PCDHGA5: variants seen among roughly 807,000 people sequenced by gnomAD.
The protein encoded by PCDHGA5 is protocadherin gamma subfamily A, 5.
Under a neutral mutation model 56.7 loss-of-function variants are expected in PCDHGA5, and 36 were observed. The observed-to-expected ratio is 0.64, with a 90% confidence interval of 0.49 to 0.84. The LOEUF is 0.84. PCDHGA5 is among the 40% of genes least tolerant of loss of function. The probability of loss-of-function intolerance (pLI) is 0.00; values close to 1 mark genes in which losing one functional copy is unlikely to be tolerated. For missense variants in PCDHGA5, 1,305 were observed against 1,201.5 expected (o/e 1.09, Z -1.27); for synonymous variants, 563 against 520.2 (o/e 1.08, Z -1.12).
chr5:141,489,080 C>CCCA lies in PCDHGA5; in HGVS notation c.2422-5727_2422-5726insCCA. On this transcript the variant is annotated intron_variant, in intron 1 of 3. Coordinates refer to ENST00000518069, the MANE Select transcript of PCDHGA5 (RefSeq NM_018918.3). This position sits in a 1 kb window ranked among gnomAD's most constrained non-coding sequence, Gnocchi z 4.5. ...TCCCCTCCCCCCTGCCCACCCCCGC[C>CCCA]ACTCGGTGACTAAGAACTGCTGCAA... 3.0e-6 allele frequency: 1 copy of CCCA among 336,172 alleles called. No individual in the cohort carries two copies. The highest frequency in any genetic ancestry group is 5.5e-5 in the East Asian group (1 of 18,342). 20.8% of individuals were successfully genotyped at this position (336,172 alleles called of 1,614,324 possible).
intron 1 of PCDHGA5, chr5:141,374,021 CA>C (rs1013436249): frequency 5.0e-6 from 7 of 1,406,050 alleles, no homozygotes; most frequent in Non-Finnish European, 6.5e-6. Context: ...CTGAGAAGAG[CA>C]AAAGTGATGC....
intron 1 of PCDHGA5, chr5:141,410,748 C>T (rs569108587): frequency 8.8e-6 from 11 of 1,245,288 alleles, no homozygotes; most frequent in Admixed American, 5.8e-5. Flanking sequence ...AATATTTTCT[C>T]AATGTTTTTT....
intron 1 of PCDHGA5, chr5:141,410,822 A>C: frequency 2.2e-6 from 1 of 461,410 alleles, no homozygotes; most frequent in Non-Finnish European, 3.6e-6. Context: ...AAATAATGTC[A>C]CCAGACTGAA....
rs1001912556 is a variant in PCDHGA5, at chr5:141,493,404, CTCTGCTGGGATTTTGCT to C, written c.2422-1391_2422-1375del. Among the ~76,000 whole-genome samples, 10 of 152,266 alleles carry C rather than the reference CTCTGCTGGGATTTTGCT, an allele frequency of 6.6e-5. No individual in the cohort carries two copies. Among genetic ancestry groups the C allele is most frequent in the Admixed American group, 6.5e-4 (10 of 15,298 alleles). On this transcript the variant is annotated intron_variant, in intron 1 of 3. Coordinates refer to ENST00000518069, the MANE Select transcript of PCDHGA5 (RefSeq NM_018918.3). The surrounding 1 kb of genome is among the most constrained non-coding windows in gnomAD (Gnocchi z 4.3). ...CTTGAGGACAGGAGAGGGGAGTTGCCTCTGCTGGGATTTTGCTTCTGCTGGGATGGGGCAAGGGTGGG... is the reference window on the plus strand; with the variant it reads ...CTTGAGGACAGGAGAGGGGAGTTGCCTCTGCTGGGATGGGGCAAGGGTGGG...
At chr5:141,451,091 G>A (rs2098706622) in intron 1 of PCDHGA5, among the ~76,000 whole-genome samples, 1 of 151,962 alleles carries the variant, frequency 6.6e-6, no homozygotes, top group South Asian at 2.1e-4. Context: ...ACCTCCCAAA[G>A]TGTTGGGATT....
intron 1 of PCDHGA5, chr5:141,389,969 C>G: frequency 6.2e-7 from 1 of 1,614,042 alleles, no homozygotes; most frequent in Non-Finnish European, 8.5e-7. Context: ...TGGCCTTGGC[C>G]TTGATCTCAG....
chr5:141,416,062 T>G, intron 1 of PCDHGA5: 1 of 176,822 alleles, frequency 5.7e-6, no homozygotes, highest in Non-Finnish European at 1.2e-5. Flanking sequence ...AATCCAAGAA[T>G]ACTCAATGCA....
At chr5:141,404,142 CAGA>C (rs781433913) in intron 1 of PCDHGA5, 21 of 1,612,668 alleles carry the variant, frequency 1.3e-5, no homozygotes, top group Middle Eastern at 1.6e-4. Context: ...TTAGAAAATT[CAGA>C]AGAAGATTAT....
chr5:141,423,506 T>C (rs1242003813), intron 1 of PCDHGA5: 1 of 1,613,808 alleles, frequency 6.2e-7, no homozygotes, highest in African/African-American at 1.3e-5. Context: ...GAGGTCTCTC[T>C]CATTGCGGAC....
Position 141,476,657 on chromosome 5 carries a change from G to A in PCDHGA5, c.2422-18150G>A, listed in dbSNP as rs759887729. On this transcript the variant is annotated intron_variant, in intron 1 of 3. Coordinates refer to ENST00000518069, the MANE Select transcript of PCDHGA5 (RefSeq NM_018918.3). This position sits in a 1 kb window ranked among gnomAD's most constrained non-coding sequence, Gnocchi z 7.6. ...TGAGCTGAGCCGAAATGAATACTTTGCGCTTCGCGTGCAGACGCGGGAGGA... is the reference window on the plus strand; with the variant it reads ...TGAGCTGAGCCGAAATGAATACTTTACGCTTCGCGTGCAGACGCGGGAGGA... 1.9e-6 allele frequency: 3 copies of A among 1,614,140 alleles called. No homozygotes were observed. Among genetic ancestry groups the A allele is most frequent in the Non-Finnish European group, 2.5e-6 (3 of 1,180,060 alleles).
At chr5:141,464,228 G>A (rs1196103285) in intron 1 of PCDHGA5, among the ~76,000 whole-genome samples, 1 of 148,156 alleles carries the variant, frequency 6.7e-6, no homozygotes, top group African/African-American at 2.5e-5. Context: ...TTGCGCCACT[G>A]CACTCCAGCC....
Position 141,384,146 on chromosome 5 carries a change from C to G in PCDHGA5, c.2421+17395C>G, listed in dbSNP as rs369384722. 2.5e-6 allele frequency: 4 copies of G among 1,613,166 alleles called. No homozygotes were observed. The East Asian group carries it at 6.7e-5, about 27-fold the overall frequency. Reference sequence around the variant, plus strand: ...AAAAACTTGGACCGGGAAACACTCTCTTTGTATAACATCACACTGAAAGCC... The same window carrying G: ...AAAAACTTGGACCGGGAAACACTCTGTTTGTATAACATCACACTGAAAGCC... On this transcript the variant is annotated intron_variant, in intron 1 of 3. Transcript: ENST00000518069.
At chr5:141,386,183 A>G (rs201653759) in intron 1 of PCDHGA5, among the ~76,000 whole-genome samples, 1 of 152,230 alleles carries the variant, frequency 6.6e-6, no homozygotes, top group East Asian at 1.9e-4. Context: ...CATCTTATGT[A>G]CACAGATCCT....
chr5:141,478,121 G>T lies in PCDHGA5; in HGVS notation c.2422-16686G>T. On this transcript the variant is annotated intron_variant, in intron 1 of 3. Coordinates refer to ENST00000518069, the MANE Select transcript of PCDHGA5 (RefSeq NM_018918.3). ...TACCCTCACTGTGTCAGTAACCGAG[G>T]ACTCTCCTGAAGCCCGAGCCGAGTT... 2.5e-6 allele frequency: 4 copies of T among 1,614,036 alleles called. No individual in the cohort carries two copies. In the African/African-American group the frequency reaches 4.0e-5, roughly 16 times the overall value.
chr5:141,400,565 A>C (rs766459739), intron 1 of PCDHGA5: 1 of 1,612,948 alleles, frequency 6.2e-7, no homozygotes, highest in South Asian at 1.1e-5. Flanking sequence ...TTACCCACCC[A>C]ATTTTCTGTA....
chr5:141,396,727 G>T (rs2093426642), intron 1 of PCDHGA5: 1 of 152,114 alleles, frequency 6.6e-6, no homozygotes, highest in Non-Finnish European at 1.5e-5. Flanking sequence ...TACCTGAATT[G>T]ATTGTTGTAA....
intron 1 of PCDHGA5, among the ~76,000 whole-genome samples, chr5:141,488,782 C>T (rs990081222): frequency 2.0e-5 from 3 of 152,178 alleles, no homozygotes; most frequent in Non-Finnish European, 1.5e-5. Flanking sequence ...TTTTGTATCA[C>T]TTTGTCTTCC....
At position 141,365,298 on chromosome 5, in the gene PCDHGA5, A is replaced by G; in HGVS notation, c.968A>G (p.Asp323Gly). 1 of 1,613,990 alleles carries G rather than the reference A, an allele frequency of 6.2e-7. No individual in the cohort carries two copies. Among genetic ancestry groups the G allele is most frequent in the Non-Finnish European group, 8.5e-7 (1 of 1,179,890 alleles). ...RFYLMEVVAQ[D>G]GGALVASAKV... ...TACCTCATGGAAGTGGTAGCTCAGG[A>G]TGGAGGCGCTCTTGTTGCCAGCGCT... Residue 323 changes from aspartate to glycine, a missense_variant, in exon 1 of 4, where the codon GAT becomes GGT. Transcript: ENST00000518069.
At chr5:141,459,108 A>G (rs1240280274) in intron 1 of PCDHGA5, among the ~76,000 whole-genome samples, 1 of 152,216 alleles carries the variant, frequency 6.6e-6, no homozygotes, top group Non-Finnish European at 1.5e-5. Flanking sequence ...ATGCATTTTG[A>G]CAATTGTTTA....
Sources: allele counts gnomAD v4.1 joint callset (sites outside exome capture counted in the v4.1 genomes callset), GRCh38; gene constraint gnomAD v4.1.1; non-coding constraint Gnocchi (gnomAD v3.1); transcripts MANE v1.5; gene names NCBI Gene and HGNC (gene_info 2026-07-23, HGNC 2026-07-21).